KIF17: variants seen among roughly 807,000 people sequenced by gnomAD.
KIF17 encodes the protein kinesin-like protein KIF17.
A neutral mutation model predicts 96.8 loss-of-function variants in KIF17; 80 were observed. The observed-to-expected ratio is 0.83, with a 90% CI of 0.69 to 1.00. KIF17 has a LOEUF of 1.00. Among genes scored for constraint, KIF17 ranks in the 50% least tolerant of loss-of-function variants. KIF17 has a pLI of 0.00. For synonymous variants in KIF17, 567 were observed against 587.5 expected (o/e 0.97, Z 0.51); for missense variants, 1,280 against 1,372.9 (o/e 0.93, Z 1.07).
intron 4 of KIF17, among the ~76,000 whole-genome samples, chr1:20,706,910 T>A (rs6660761): frequency 0.7 from 105,190 of 150,210 alleles, 36,923 homozygotes; most frequent in East Asian, 0.78. Context: ...GAAAGAAAAG[T>A]AAAAGAAAAC....
chr1:20,691,991 T>TA (rs2054047222), intron 6 of KIF17, among the ~76,000 whole-genome samples: 1 of 152,250 alleles, frequency 6.6e-6, no homozygotes, highest in African/African-American at 2.4e-5. Flanking sequence ...TTCTCACCTC[T>TA]GTTCTCACTC....
In KIF17 at chr1:20,704,211, C is replaced by T. The variant is rs1213696626; in HGVS notation, c.1123+236G>A. 6.6e-6 allele frequency among the ~76,000 whole-genome samples: 1 copy of T among 151,988 alleles called. No individual in the cohort carries two copies. Among genetic ancestry groups the T allele is most frequent in the East Asian group, 1.9e-4 (1 of 5,188 alleles). On this transcript the variant is annotated intron_variant, in intron 5 of 14. Coordinates refer to ENST00000400463, the MANE Select transcript of KIF17 (RefSeq NM_001122819.3). This position sits in a 1 kb window ranked among gnomAD's most constrained non-coding sequence, Gnocchi z 6.8. ...GAGCAGATGAGAGGCGGGGAGTGGGCAACAGCCTGCGTCAGATGGGACAGG... is the reference window on the plus strand; with the variant it reads ...GAGCAGATGAGAGGCGGGGAGTGGGTAACAGCCTGCGTCAGATGGGACAGG...
intron 2 of KIF17, 152 bp from the exon 3 acceptor site, chr1:20,713,707 T>C: frequency 1.4e-6 from 1 of 690,232 alleles, no homozygotes; most frequent in Non-Finnish European, 2.6e-6. Context: ...CAACCCGCCC[T>C]GCTGGCCTTC....
In KIF17 at chr1:20,704,054, C is replaced by T. The variant is rs1216017719; in HGVS notation, c.1123+393G>A. Among the ~76,000 whole-genome samples, 1 of 151,522 alleles carries T rather than the reference C, an allele frequency of 6.6e-6. No individual in the cohort carries two copies. The highest frequency in any genetic ancestry group is 2.1e-4 in the South Asian group (1 of 4,796). On this transcript the variant is annotated intron_variant, in intron 5 of 14. Coordinates refer to ENST00000400463, the MANE Select transcript of KIF17 (RefSeq NM_001122819.3). This position sits in a 1 kb window ranked among gnomAD's most constrained non-coding sequence, Gnocchi z 6.8. ...AAAAGCTGCAGTAACAAGGTGCCTG[C>T]GAGGAGCAGGTGTGGCCGTGGGGAG...
At chr1:20,692,424 TC>T (rs1557595500) in intron 6 of KIF17, among the ~76,000 whole-genome samples, 1 of 151,856 alleles carries the variant, frequency 6.6e-6, no homozygotes, top group Non-Finnish European at 1.5e-5. Flanking sequence ...CACTGCAACC[TC>T]CACTTCCCAG....
At chr1:20,669,197 G>T (rs191829573) in intron 13 of KIF17, among the ~76,000 whole-genome samples, 4 of 152,130 alleles carry the variant, frequency 2.6e-5, no homozygotes, top group African/African-American at 9.7e-5. Flanking sequence ...GGCTGCTGGG[G>T]ACAGTAGCTC....
At chr1:20,664,858 A>G in intron 14 of KIF17, 96 bp from the exon 15 acceptor site, 1 of 1,127,566 alleles carries the variant, frequency 8.9e-7, no homozygotes, top group Non-Finnish European at 1.3e-6. Context: ...GGCCCACCCC[A>G]CTCCCGCCCC....
chr1:20,697,934 C>T (rs1050305000), intron 6 of KIF17, among the ~76,000 whole-genome samples: 3 of 152,216 alleles, frequency 2.0e-5, no homozygotes, highest in African/African-American at 2.4e-5. Flanking sequence ...GCTGGTCAAA[C>T]GGGCTGCCTG....
intron 11 of KIF17, among the ~76,000 whole-genome samples, chr1:20,679,139 C>T (rs2053786065): frequency 6.6e-6 from 1 of 151,942 alleles, no homozygotes; most frequent in African/African-American, 2.4e-5. Context: ...TGGCAAAACC[C>T]CTTCTCTACA....
chr1:20,692,325 G>C (rs1478670552), intron 6 of KIF17, among the ~76,000 whole-genome samples: 2 of 150,290 alleles, frequency 1.3e-5, no homozygotes, highest in African/African-American at 4.9e-5. Context: ...ACTGCTCCCT[G>C]TCCCTTCCTC....
chr1:20,695,344 C>A (rs776670868), intron 6 of KIF17, among the ~76,000 whole-genome samples: 2 of 152,188 alleles, frequency 1.3e-5, no homozygotes, highest in African/African-American at 2.4e-5. Context: ...CGTGCCATCA[C>A]TCCCGACTAA....
chr1:20,686,947 C>T (rs549616781), intron 8 of KIF17, among the ~76,000 whole-genome samples: 1 of 152,204 alleles, frequency 6.6e-6, no homozygotes, highest in South Asian at 2.1e-4. Flanking sequence ...GAGCAGTATC[C>T]CAGAAGCCTC....
chr1:20,687,622 A>C lies in KIF17; in HGVS notation c.1704T>G (p.Thr568=). 1 of 1,614,138 alleles carries C rather than the reference A, an allele frequency of 6.2e-7. No homozygotes were observed. Among genetic ancestry groups the C allele is most frequent in the Non-Finnish European group, 8.5e-7 (1 of 1,180,012 alleles). Residue 568 remains threonine (T), a synonymous_variant, in exon 8 of 15, where the codon ACT becomes ACG. Coordinates refer to ENST00000400463, the MANE Select transcript of KIF17 (RefSeq NM_001122819.3). This position sits in a 1 kb window ranked among gnomAD's most constrained non-coding sequence, Gnocchi z 4.4. ...EPSNVEVSMP[T]EESRSRYFLD... Reference sequence around the variant, plus strand: ...GGAAGTATCTGCTCCTGGACTCCTCAGTGGGCATGGAGACCTCCACGTTGG... The same window carrying C: ...GGAAGTATCTGCTCCTGGACTCCTCCGTGGGCATGGAGACCTCCACGTTGG...
In KIF17 at chr1:20,704,054, C is replaced by A. The variant is rs1216017719; in HGVS notation, c.1123+393G>T. The stretch of plus-strand genomic sequence containing the variant: ...AAAAGCTGCAGTAACAAGGTGCCTG[C>A]GAGGAGCAGGTGTGGCCGTGGGGAG... On this transcript the variant is annotated intron_variant, in intron 5 of 14. Coordinates refer to ENST00000400463, the MANE Select transcript of KIF17 (RefSeq NM_001122819.3). This position sits in a 1 kb window ranked among gnomAD's most constrained non-coding sequence, Gnocchi z 6.8. 6.6e-6 allele frequency among the ~76,000 whole-genome samples: 1 copy of A among 151,408 alleles called. No individual in the cohort carries two copies. The highest frequency in any genetic ancestry group is 1.5e-5 in the Non-Finnish European group (1 of 67,890).
At position 20,687,397 on chromosome 1, in the gene KIF17, G is replaced by C; in HGVS notation, c.1929C>G (p.Val643=). ...TDAPQADVPK[V]PVQVPAPTDL... is the part of the protein sequence containing the mutation. ...GCGTGACATCAGCTACCTGCACAGG[G>C]ACCTTGGGGACGTCTGCCTGGGGTG... Residue 643 remains valine (V), a synonymous_variant, in exon 8 of 15, where the codon GTC becomes GTG. Coordinates refer to ENST00000400463, the MANE Select transcript of KIF17 (RefSeq NM_001122819.3). The surrounding 1 kb of genome is among the most constrained non-coding windows in gnomAD (Gnocchi z 4.4). 1 of 1,613,162 alleles carries C rather than the reference G, an allele frequency of 6.2e-7. No individual in the cohort carries two copies. Among genetic ancestry groups the C allele is most frequent in the African/African-American group, 1.3e-5 (1 of 75,022 alleles).
At chr1:20,678,031 C>T (rs1244299540) in intron 11 of KIF17, among the ~76,000 whole-genome samples, 4 of 152,180 alleles carry the variant, frequency 2.6e-5, no homozygotes, top group Admixed American at 6.5e-5. Context: ...TTTTACAATG[C>T]TCATAAAGAC....
chr1:20,714,998 C>T (rs1330058444), intron 2 of KIF17, among the ~76,000 whole-genome samples: 1 of 152,154 alleles, frequency 6.6e-6, no homozygotes, highest in African/African-American at 2.4e-5. Context: ...CAAATGGTCG[C>T]CAGGTAATTC....
chr1:20,694,196 C>T (rs1166860915), intron 6 of KIF17, among the ~76,000 whole-genome samples: 1 of 151,884 alleles, frequency 6.6e-6, no homozygotes, highest in African/African-American at 2.4e-5. Context: ...CTCCCAGGTT[C>T]AAGCGATTCT....
chr1:20,684,359 T>C (rs2053891806), intron 10 of KIF17, among the ~76,000 whole-genome samples: 1 of 152,220 alleles, frequency 6.6e-6, no homozygotes, highest in African/African-American at 2.4e-5. Context: ...GACATCATCA[T>C]TAACGGAAGT....
Sources: allele counts gnomAD v4.1 joint callset (sites outside exome capture counted in the v4.1 genomes callset), GRCh38; gene constraint gnomAD v4.1.1; non-coding constraint Gnocchi (gnomAD v3.1); transcripts MANE v1.5; gene names NCBI Gene and HGNC (gene_info 2026-07-23, HGNC 2026-07-21).